SPAST: variants seen among roughly 807,000 people sequenced by gnomAD.
The protein encoded by SPAST is spastic paraplegia 4 (autosomal dominant; spastin).
In SPAST, 30 loss-of-function variants were observed where a neutral mutation model predicts 76.6. That is an observed-to-expected ratio of 0.39 (90% CI 0.29 to 0.53). The LOEUF (loss-of-function observed/expected upper bound fraction) is 0.53, where lower values mean the gene tolerates loss of function less well. Ranked by LOEUF, SPAST falls within the 20% of genes least tolerant of loss-of-function variation. The pLI is 0.68. For missense variants in SPAST, 717 were observed against 770.5 expected (o/e 0.93, Z 0.82); for synonymous variants, 305 against 281.0 (o/e 1.09, Z -0.86).
chr2:32,134,460 T>A (rs1318207268), intron 9 of SPAST, among the ~76,000 whole-genome samples: 1 of 127,646 alleles, frequency 7.8e-6, no homozygotes, highest in Non-Finnish European at 1.8e-5. Flanking sequence ...CGAGACTCCA[T>A]CTCAAAAAAA....
chr2:32,063,940 G>C lies in SPAST; in HGVS notation c.109G>C (p.Gly37Arg), dbSNP rs771455657. ...CCTGGCCCCCGCCCCTCCCGCCGCC[G>C]GGCCGGCCCCTCCGCCCGAGTCGCC... is the stretch of plus-strand genomic sequence containing the variant. ...PCLAPAPPAA[G>R]PAPPPESPHK... Residue 37 changes from glycine (G) to arginine (R), a missense_variant, in exon 1 of 17, where the codon GGG becomes CGG. Transcript: ENST00000315285. 2.7e-5 allele frequency: 43 copies of C among 1,602,358 alleles called. No individual in the cohort carries two copies. Among genetic ancestry groups the C allele is most frequent in the Non-Finnish European group, 3.5e-5 (41 of 1,174,492 alleles).
intron 12 of SPAST, 77 bp downstream of exon 12, chr2:32,137,265 C>T: frequency 8.8e-7 from 1 of 1,133,750 alleles, no homozygotes; most frequent in Non-Finnish European, 1.3e-6. Context: ...CATATTATTT[C>T]CTTACTCTCA....
At chr2:32,150,596 C>G (rs1468450090) in intron 16 of SPAST, among the ~76,000 whole-genome samples, 1 of 151,690 alleles carries the variant, frequency 6.6e-6, no homozygotes, top group African/African-American at 2.4e-5. Flanking sequence ...TACCACCACA[C>G]TCAGCTAAAT....
At chr2:32,101,885 G>A (rs1451947243) in intron 4 of SPAST, among the ~76,000 whole-genome samples, 2 of 152,148 alleles carry the variant, frequency 1.3e-5, no homozygotes, top group Admixed American at 1.3e-4. Context: ...TACCTTCGTA[G>A]TATAGTTTGA....
chr2:32,093,591 CTTATTTT>C (rs1157922338), intron 3 of SPAST, among the ~76,000 whole-genome samples: 1 of 152,110 alleles, frequency 6.6e-6, no homozygotes, highest in Non-Finnish European at 1.5e-5. Flanking sequence ...AACTGTGTAA[CTTATTTT>C]TTATGTTTAT....
chr2:32,129,346 C>G (rs1322077639), intron 9 of SPAST: 3 of 151,618 alleles, frequency 2.0e-5, no homozygotes, highest in Non-Finnish European at 4.4e-5. Context: ...GCCTCGGACT[C>G]TCAAAGTGCT....
At chr2:32,142,918 T>C (rs931851300) in intron 13 of SPAST, among the ~76,000 whole-genome samples, 1 of 152,110 alleles carries the variant, frequency 6.6e-6, no homozygotes, top group Non-Finnish European at 1.5e-5. Context: ...ATAAAACTGG[T>C]TTTTTGCAGC....
At chr2:32,077,825 A>G (rs1170198929) in intron 1 of SPAST, 2 of 152,228 alleles carry the variant, frequency 1.3e-5, no homozygotes, top group African/African-American at 2.4e-5. Flanking sequence ...TGTTGTTTCT[A>G]CAGTAACATA....
intron 7 of SPAST, among the ~76,000 whole-genome samples, chr2:32,122,325 T>G (rs1290208106): frequency 1.3e-5 from 2 of 152,028 alleles, no homozygotes; most frequent in Non-Finnish European, 2.9e-5. Flanking sequence ...TTTGTTTTGT[T>G]TTCTGTTTTG....
At chr2:32,102,000 A>G (rs1406412682) in intron 4 of SPAST, among the ~76,000 whole-genome samples, 5 of 152,104 alleles carry the variant, frequency 3.3e-5, no homozygotes, top group African/African-American at 7.2e-5. Flanking sequence ...AGTTTTTTCC[A>G]ATTCTGTGAA....
chr2:32,148,158 C>G (rs1384961786), intron 16 of SPAST, among the ~76,000 whole-genome samples: 2 of 151,952 alleles, frequency 1.3e-5, no homozygotes, highest in Non-Finnish European at 2.9e-5. Flanking sequence ...GTCTCAGACT[C>G]TTGGCCTCAA....
chr2:32,138,088 C>G lies in SPAST; in HGVS notation c.1493+900C>G, dbSNP rs541434711. 3.9e-5 allele frequency among the ~76,000 whole-genome samples: 6 copies of G among 152,296 alleles called. No homozygotes were observed. The South Asian group carries it at 1.2e-3, about 32-fold the overall frequency. ...CCATTGATGGACACTTAGATTGATT[C>G]TATGTCTGCTGTCATGAATAGTACA... On this transcript the variant is annotated intron_variant, in intron 12 of 16. Transcript: ENST00000315285.
intron 3 of SPAST, among the ~76,000 whole-genome samples, chr2:32,095,478 T>A (rs1317270339): frequency 3.3e-5 from 5 of 151,934 alleles, no homozygotes; most frequent in African/African-American, 1.2e-4. Context: ...ATACCTGTAA[T>A]CCTAGCACTT....
At chr2:32,136,056 C>T (rs984744604) in intron 9 of SPAST, among the ~76,000 whole-genome samples, 3 of 144,812 alleles carry the variant, frequency 2.1e-5, no homozygotes, top group Non-Finnish European at 4.5e-5. Context: ...CCAGACTGGG[C>T]TATAGAGCAA....
At chr2:32,078,087 T>A (rs1573051479) in intron 1 of SPAST, 1 of 151,198 alleles carries the variant, frequency 6.6e-6, no homozygotes, top group South Asian at 2.1e-4. Flanking sequence ...GCCTCCCGGG[T>A]TCACGCCATT....
rs374052212 is a variant in SPAST, at chr2:32,116,091, T to C, written c.1005-28T>C. On this transcript the variant is annotated intron_variant, in intron 6 of 16. Coordinates refer to ENST00000315285, the MANE Select transcript of SPAST (RefSeq NM_014946.4). ...TAATAACTGGGCCCTGTTTGTATCG[T>C]AGAACTAACTGAGGTCTTGTTTCTT... is the stretch of plus-strand genomic sequence containing the variant. The C allele has an allele frequency of 7.9e-6, 12 of 1,516,540 alleles. No individual in the cohort carries two copies. The African/African-American group carries it at 1.4e-4, about 17-fold the overall frequency. 93.9% of individuals were successfully genotyped at this position (1,516,540 alleles called of 1,614,324 possible). A position where few individuals can be genotyped will look rare whatever the true frequency, so the allele number is the denominator to read the frequency against.
At chr2:32,088,224 G>A (rs1677570938) in intron 2 of SPAST, among the ~76,000 whole-genome samples, 1 of 151,956 alleles carries the variant, frequency 6.6e-6, no homozygotes, top group Non-Finnish European at 1.5e-5. Context: ...GTAGAGACAG[G>A]GTCTCACTGT....
At chr2:32,107,296 A>G (rs1007264336) in intron 4 of SPAST, among the ~76,000 whole-genome samples, 6 of 151,702 alleles carry the variant, frequency 4.0e-5, no homozygotes, top group Admixed American at 4.0e-4. Context: ...GCGGTGGCGC[A>G]ATCTTGGCTC....
At chr2:32,138,122 C>T (rs1679601325) in intron 12 of SPAST, among the ~76,000 whole-genome samples, 1 of 152,176 alleles carries the variant, frequency 6.6e-6, no homozygotes, top group African/African-American at 2.4e-5. Context: ...CAGCAATAAA[C>T]ATGAAATGCA....
Sources: allele counts gnomAD v4.1 joint callset (sites outside exome capture counted in the v4.1 genomes callset), GRCh38; gene constraint gnomAD v4.1.1; transcripts MANE v1.5; gene names NCBI Gene and HGNC (gene_info 2026-07-23, HGNC 2026-07-21).